Variants in LONRF2 observed in about 807,000 individuals in gnomAD.
LONRF2 encodes LON peptidase N-terminal domain and RING finger protein 2.
Under a neutral mutation model 66.6 loss-of-function variants are expected in LONRF2, and 35 were observed. The observed-to-expected ratio is 0.53, with a 90% confidence interval of 0.40 to 0.70. The LOEUF (loss-of-function observed/expected upper bound fraction) is 0.70. Ranked by LOEUF, LONRF2 falls within the 30% of genes least tolerant of loss-of-function variation. The pLI is 0.00. For synonymous variants in LONRF2, 417 were observed against 418.1 expected (o/e 1.00, Z 0.03); for missense variants, 902 against 1,002.1 (o/e 0.90, Z 1.35).
At chr2:100,320,585 A>T (rs1675599926) in intron 1 of LONRF2, among the ~76,000 whole-genome samples, 1 of 152,226 alleles carries the variant, frequency 6.6e-6, no homozygotes, top group African/African-American at 2.4e-5. Flanking sequence ...AGATTCAACA[A>T]GTCTTCTCGG....
chr2:100,316,662 G>T (rs1573128264), intron 1 of LONRF2, among the ~76,000 whole-genome samples: 1 of 152,112 alleles, frequency 6.6e-6, no homozygotes, highest in Non-Finnish European at 1.5e-5. Context: ...AGCCTAAATG[G>T]CTATGTTTTT....
rs1674528740 is a variant in LONRF2 at position 100,272,934 on chromosome 2, T to C, written c.*11364A>G. 6.6e-6 allele frequency among the ~76,000 whole-genome samples: 1 copy of C among 152,232 alleles called. No individual in the cohort carries two copies. Among genetic ancestry groups the C allele is most frequent in the Admixed American group, 6.5e-5 (1 of 15,282 alleles). The stretch of plus-strand genomic sequence containing the variant: ...TCCACATCTGCACTGTGTTGAATAC[T>C]GTTCCTCTAAAATTCATGTCCACTA... On this transcript the variant is annotated 3_prime_UTR_variant, in exon 12 of 12. Transcript: ENST00000393437.
Position 100,281,378 on chromosome 2 carries a change from T to A in LONRF2, c.*2920A>T, listed in dbSNP as rs552786155. The A allele has an allele frequency of 2.5e-4, 38 of 152,298 alleles. No individual in the cohort carries two copies. The highest frequency in any genetic ancestry group is 5.3e-4 in the Non-Finnish European group (36 of 68,022). 9.4% of individuals were successfully genotyped at this position (152,298 alleles called of 1,614,324 possible). On this transcript the variant is annotated 3_prime_UTR_variant, in exon 12 of 12. Coordinates refer to ENST00000393437, the MANE Select transcript of LONRF2 (RefSeq NM_198461.4). ...CTAAAAATGAGATAATACTGTTGAA[T>A]TTGGTACATGAATTGGTTAAGAATT...
intron 2 of LONRF2, among the ~76,000 whole-genome samples, chr2:100,306,374 G>A (rs1261641094): frequency 6.6e-6 from 1 of 152,154 alleles, no homozygotes; most frequent in East Asian, 1.9e-4. Context: ...TTCACGTAAA[G>A]TTTCAAGTTT....
chr2:100,303,100 G>C, intron 2 of LONRF2, 57 bp from the exon 3 acceptor site: 1 of 1,457,150 alleles, frequency 6.9e-7, no homozygotes. Flanking sequence ...TTATATACTT[G>C]AATACAAACT....
Position 100,275,542 on chromosome 2 carries a change from G to A in LONRF2, c.*8756C>T, listed in dbSNP as rs537803088. 1 of 152,370 alleles carries A rather than the reference G, an allele frequency of 6.6e-6. No homozygotes were observed. Among genetic ancestry groups the A allele is most frequent in the Admixed American group, 6.5e-5 (1 of 15,308 alleles). 9.4% of individuals were successfully genotyped at this position (152,370 alleles called of 1,614,324 possible). A position where few individuals can be genotyped will look rare whatever the true frequency, so the allele number is the denominator to read the frequency against. On this transcript the variant is annotated 3_prime_UTR_variant, in exon 12 of 12. Coordinates refer to ENST00000393437, the MANE Select transcript of LONRF2 (RefSeq NM_198461.4). ...TGAGAGGCACCCTCCTCACAGAAAT[G>A]ACAGCCGCCAAAAGGTTTAAATGTT... is the stretch of plus-strand genomic sequence containing the variant.
chr2:100,295,213 C>T (rs987833074), intron 8 of LONRF2, among the ~76,000 whole-genome samples: 3 of 152,038 alleles, frequency 2.0e-5, no homozygotes, highest in Non-Finnish European at 2.9e-5. Context: ...AGCAACTATA[C>T]AATTTTGTTA....
chr2:100,299,082 AT>A, intron 6 of LONRF2, 132 bp from the exon 7 acceptor site: 1 of 845,590 alleles, frequency 1.2e-6, no homozygotes, highest in South Asian at 1.8e-5. Flanking sequence ...TTCATTTTAT[AT>A]CTTATTAAAT....
rs759828608 is a variant in LONRF2, at chr2:100,295,512, T to C, written c.1518A>G (p.Glu506=). ...SRNFNITVLA[E]ELIFRYLPDE... ...CCGGCAAATATCGAAATATTAATTC[T>C]TCGGCCAGAACAGTTATGTTAAAGT... The change falls in exon 8 of 12, where the codon GAA becomes GAG. Residue 506 remains glutamate, a synonymous_variant. Transcript: ENST00000393437. 1 of 1,613,788 alleles carries C rather than the reference T, an allele frequency of 6.2e-7. No homozygotes were observed. Among genetic ancestry groups the C allele is most frequent in the East Asian group, 2.2e-5 (1 of 44,862 alleles).
At position 100,290,265 on chromosome 2, in the gene LONRF2, T is replaced by C; in HGVS notation, c.1913A>G (p.Asp638Gly). The change falls in exon 10 of 12, where the codon GAT becomes GGT. Residue 638 changes from aspartate to glycine, a missense_variant. Physicochemically the swap from Asp to Gly is moderately conservative, Grantham distance 94. Around this residue, in one of 2 missense-constraint regions of LONRF2, gnomAD observed 317 missense variants for 432.2 expected, o/e 0.73. Transcript: ENST00000393437. ...YNTADIEYLE[D>G]EKVEGPEYEE... ...CAGTATGATAAGCCTTACCTTTTCA[T>C]CTTCAAGATATTCAATGTCCGCTGT... is the stretch of plus-strand genomic sequence containing the variant. The C allele has an allele frequency of 1.2e-6, 2 of 1,612,590 alleles. No homozygotes were observed. The highest frequency in any genetic ancestry group is 1.7e-6 in the Non-Finnish European group (2 of 1,179,440).
At chr2:100,293,875 C>T (rs1312540367) in intron 9 of LONRF2, among the ~76,000 whole-genome samples, 1 of 152,128 alleles carries the variant, frequency 6.6e-6, no homozygotes, top group African/African-American at 2.4e-5. Flanking sequence ...CCACCAAGCC[C>T]AGCCGCAATT....
At position 100,281,593 on chromosome 2, in the gene LONRF2, G is replaced by A. The variant is rs1024826375; in HGVS notation, c.*2705C>T. 4 of 152,124 alleles carry A rather than the reference G, an allele frequency of 2.6e-5. No individual in the cohort carries two copies. The highest frequency in any genetic ancestry group is 7.2e-5 in the African/African-American group (3 of 41,418). The allele number at this position is 152,124 out of a possible 1,614,324, so 9.4% of individuals were successfully genotyped here. On this transcript the variant is annotated 3_prime_UTR_variant, in exon 12 of 12. Coordinates refer to ENST00000393437, the MANE Select transcript of LONRF2 (RefSeq NM_198461.4). Reference sequence around the variant, plus strand: ...TTCAAAGACACAGGCAGGTTTGGGCGATGAATGGAAAAATACAGAACAGCA... The same window carrying A: ...TTCAAAGACACAGGCAGGTTTGGGCAATGAATGGAAAAATACAGAACAGCA...
rs1395923039 is a variant in LONRF2 at position 100,283,061 on chromosome 2, CA to C, written c.*1236del. 1 of 152,104 alleles carries C rather than the reference CA, an allele frequency of 6.6e-6. No homozygotes were observed. The highest frequency in any genetic ancestry group is 1.5e-5 in the Non-Finnish European group (1 of 68,022). 9.4% of individuals were successfully genotyped at this position (152,104 alleles called of 1,614,324 possible). ...ATGTCCACCTTACAGACGAGGAAGC[CA>C]ACCAAATGCACCAGCTGGTTGGGCC... is the stretch of plus-strand genomic sequence containing the variant. On this transcript the variant is annotated 3_prime_UTR_variant, in exon 12 of 12. Coordinates refer to ENST00000393437, the MANE Select transcript of LONRF2 (RefSeq NM_198461.4).
At position 100,294,396 on chromosome 2, in the gene LONRF2, C is replaced by G; in HGVS notation, c.1599-9G>C. Reference sequence around the variant, plus strand: ...GGACGTCTCTGGTCAGACTGCAGAGCAAGGGGACATGTTATCTCAGATGTA... The same window carrying G: ...GGACGTCTCTGGTCAGACTGCAGAGGAAGGGGACATGTTATCTCAGATGTA... On this transcript the variant is annotated splice_polypyrimidine_tract_variant and intron_variant, in intron 8 of 11. Coordinates refer to ENST00000393437, the MANE Select transcript of LONRF2 (RefSeq NM_198461.4). 1 of 1,557,158 alleles carries G rather than the reference C, an allele frequency of 6.4e-7. No homozygotes were observed. Among genetic ancestry groups the G allele is most frequent in the South Asian group, 1.2e-5 (1 of 81,552 alleles).
At position 100,294,263 on chromosome 2, in the gene LONRF2, G is replaced by A. The variant is rs756681410; in HGVS notation, c.1723C>T (p.Arg575Trp). 9 of 1,606,092 alleles carry A rather than the reference G, an allele frequency of 5.6e-6. No individual in the cohort carries two copies. Among genetic ancestry groups the A allele is most frequent in the East Asian group, 4.5e-5 (2 of 44,506 alleles). ...TCAGCAGATAAACACATGCCAAACC[G>A]CTTGGTGCCAGTTTCCATGCATCTT... The part of the protein sequence containing the change: ...IRRCMETGTK[R>W]FGMCLSAEHA... The change falls in exon 9 of 12, where the codon CGG (arginine) becomes TGG (tryptophan). Residue 575 changes from arginine to tryptophan, a missense_variant. Arg to Trp is a moderately radical substitution (Grantham distance 101). Around this residue, in one of 2 missense-constraint regions of LONRF2, gnomAD observed 317 missense variants for 432.2 expected, o/e 0.73. Transcript: ENST00000393437.
rs1468701640 is a variant in LONRF2 at position 100,277,508 on chromosome 2, C to G, written c.*6790G>C. On this transcript the variant is annotated 3_prime_UTR_variant, in exon 12 of 12. Transcript: ENST00000393437. ...CCCACAGGAGGGTGGTCTCCCATGT[C>G]CTCAGTCCCTTGTGAGGTCATCCTC... is the stretch of plus-strand genomic sequence containing the variant. The G allele has an allele frequency of 6.6e-6, 1 of 152,254 alleles. No individual in the cohort carries two copies. The highest frequency in any genetic ancestry group is 1.5e-5 in the Non-Finnish European group (1 of 68,122). The allele number at this position is 152,254 out of a possible 1,614,324, so 9.4% of individuals were successfully genotyped here.
intron 1 of LONRF2, among the ~76,000 whole-genome samples, chr2:100,309,970 G>A (rs772900629): frequency 2.6e-5 from 4 of 152,104 alleles, no homozygotes; most frequent in Admixed American, 2.0e-4. Flanking sequence ...ACCATGCCTG[G>A]CCCATAATTT....
At chr2:100,307,066 G>A (rs1018211739) in intron 2 of LONRF2, among the ~76,000 whole-genome samples, 1 of 151,660 alleles carries the variant, frequency 6.6e-6, no homozygotes, top group Non-Finnish European at 1.5e-5. Flanking sequence ...GACTACAGGC[G>A]CCCGCCACCA....
At chr2:100,289,200 C>T (rs564373709) in intron 10 of LONRF2, among the ~76,000 whole-genome samples, 39 of 152,232 alleles carry the variant, frequency 2.6e-4, no homozygotes, top group South Asian at 4.1e-4. Context: ...TCACATTTAA[C>T]GGAAACCAGT....
Sources: allele counts gnomAD v4.1 joint callset (sites outside exome capture counted in the v4.1 genomes callset), GRCh38; gene constraint gnomAD v4.1.1; regional missense constraint gnomAD v4.1.1; transcripts MANE v1.5; gene names NCBI Gene and HGNC (gene_info 2026-07-23, HGNC 2026-07-21).